Variants in GPATCH2L observed in about 807,000 individuals in gnomAD.
GPATCH2L encodes G-patch domain containing 2 like, also known as G patch domain-containing protein 2-like.
GPATCH2L carries 31 observed loss-of-function variants against 57.4 expected under a neutral mutation model. The observed-to-expected ratio is 0.54, with a 90% CI of 0.41 to 0.73. The LOEUF is 0.73. Among genes scored for constraint, GPATCH2L ranks in the 30% least tolerant of loss-of-function variants. GPATCH2L has a pLI of 0.00. For synonymous variants in GPATCH2L, 199 were observed against 210.7 expected (o/e 0.94, Z 0.48); for missense variants, 481 against 599.9 (o/e 0.80, Z 2.07).
chr14:76,227,425 G>A (rs2040540765), intron 1 of GPATCH2L, among the ~76,000 whole-genome samples: 1 of 152,164 alleles, frequency 6.6e-6, no homozygotes, highest in African/African-American at 2.4e-5. Context: ...AGAGTCCAGG[G>A]GGGAGGGACT....
intron 2 of GPATCH2L, among the ~76,000 whole-genome samples, chr14:76,163,042 C>A (rs1401679647): frequency 6.6e-6 from 1 of 152,188 alleles, no homozygotes; most frequent in Non-Finnish European, 1.5e-5. Context: ...AAGGTATCTT[C>A]TGCATAGAGA....
rs190142030 is a variant in GPATCH2L at position 76,162,234 on chromosome 14, T to C, written c.663-4429T>C. Among the ~76,000 whole-genome samples the C allele has an allele frequency of 4.9e-4, 74 of 152,300 alleles. No homozygotes were observed. In the East Asian group the frequency reaches 0.014, roughly 29 times the overall value. ...CTTCCAAGCTCACTCACATGGCTGT[T>C]GGCAGAGCTCATTTCCTCATAAAGC... On this transcript the variant is annotated intron_variant, in intron 2 of 9. Coordinates refer to ENST00000261530, the MANE Select transcript of GPATCH2L (RefSeq NM_017926.4).
intron 8 of GPATCH2L, among the ~76,000 whole-genome samples, chr14:76,185,127 A>C (rs1291517046): frequency 2.0e-5 from 3 of 152,112 alleles, no homozygotes; most frequent in Non-Finnish European, 4.4e-5. Context: ...TAATAAATGG[A>C]TCAGGGGCAG....
intron 8 of GPATCH2L, among the ~76,000 whole-genome samples, chr14:76,185,779 A>G (rs944209754): frequency 2.0e-5 from 3 of 152,172 alleles, no homozygotes; most frequent in Non-Finnish European, 2.9e-5. Context: ...TGTGGTAAGG[A>G]TGGCAGATAT....
chr14:76,166,610 C>A, intron 2 of GPATCH2L, 53 bp from the exon 3 acceptor site: 1 of 1,232,836 alleles, frequency 8.1e-7, no homozygotes, highest in Non-Finnish European at 1.2e-6. Flanking sequence ...GTGTACAGTG[C>A]TTTGTTTTTG....
intron 1 of GPATCH2L, among the ~76,000 whole-genome samples, chr14:76,221,147 A>G (rs2040513375): frequency 6.6e-6 from 1 of 151,942 alleles, no homozygotes. Flanking sequence ...CTGTAAAAAG[A>G]ACTCTTAAAA....
chr14:76,187,223 T>A (rs2039800550), intron 8 of GPATCH2L, among the ~76,000 whole-genome samples: 1 of 151,996 alleles, frequency 6.6e-6, no homozygotes, highest in Non-Finnish European at 1.5e-5. Context: ...CTCCTTTTTC[T>A]CCTTTTACCC....
In GPATCH2L at chr14:76,180,763, G is replaced by C; in HGVS notation, c.1108-1G>C. On this transcript the variant is annotated splice_acceptor_variant, in intron 7 of 9. Transcript: ENST00000261530. LOFTEE classifies it high-confidence loss of function. The stretch of plus-strand genomic sequence containing the variant: ...TAAAATAGTCTTATTCATTCCTGCA[G>C]TTCAATCCCCTGTCTCCCCTTTACT... 1 of 1,605,496 alleles carries C rather than the reference G, an allele frequency of 6.2e-7. No homozygotes were observed. Among genetic ancestry groups the C allele is most frequent in the Non-Finnish European group, 8.5e-7 (1 of 1,172,132 alleles).
At chr14:76,181,347 T>G (rs780644870) in intron 8 of GPATCH2L, among the ~76,000 whole-genome samples, 1 of 152,218 alleles carries the variant, frequency 6.6e-6, no homozygotes, top group Admixed American at 6.5e-5. Flanking sequence ...TTTGAGCTGC[T>G]GCTTGTCTCA....
intron 9 of GPATCH2L, chr14:76,196,315 A>G: frequency 1.7e-6 from 1 of 591,632 alleles, no homozygotes; most frequent in Non-Finnish European, 3.0e-6. Flanking sequence ...ACACAGGGTT[A>G]TTTACTTTCT....
At chr14:76,216,695 T>G (rs2040491437), downstream of GPATCH2L, among the ~76,000 whole-genome samples, 1 of 152,136 alleles carries the variant, frequency 6.6e-6, no homozygotes, top group Non-Finnish European at 1.5e-5. Flanking sequence ...ATTGTAAAGT[T>G]CATTTGGAAG....
chr14:76,155,453 C>T (rs973285331), intron 2 of GPATCH2L, among the ~76,000 whole-genome samples: 2 of 152,164 alleles, frequency 1.3e-5, no homozygotes, highest in Admixed American at 1.3e-4. Context: ...GTTGCCTGTC[C>T]TCATTAAGAA....
intron 3 of GPATCH2L, 95 bp from the exon 4 acceptor site, chr14:76,171,748 G>A: frequency 1.4e-6 from 1 of 694,778 alleles, no homozygotes; most frequent in Non-Finnish European, 2.4e-6. Context: ...AAAAAAGGAT[G>A]ATCAAAACTA....
rs374952457 is a variant in GPATCH2L, at chr14:76,235,155, C to T, written c.*117+5202C>T. Reference sequence around the variant, plus strand: ...TGCACTCCAGACTGGGCAACAAGAGCGAAACTCTGTCTCAAAAAAAAAAAA... The same window carrying T: ...TGCACTCCAGACTGGGCAACAAGAGTGAAACTCTGTCTCAAAAAAAAAAAA... On this transcript the variant is annotated intron_variant and NMD_transcript_variant, in intron 2 of 3. Coordinates refer to the GPATCH2L transcript ENST00000556372. Among the ~76,000 whole-genome samples the T allele has an allele frequency of 1.8e-4, 24 of 130,194 alleles. No homozygotes were observed. In the East Asian group the frequency reaches 2.9e-3, roughly 16 times the overall value. 85.4% of individuals were successfully genotyped at this position (130,194 alleles called of 152,430 possible).
rs776950722 is a variant in GPATCH2L at position 76,151,939 on chromosome 14, C to G, written c.-63C>G. The G allele has an allele frequency of 6.5e-6, 1 of 153,546 alleles. No individual in the cohort carries two copies. Among genetic ancestry groups the G allele is most frequent in the African/African-American group, 2.4e-5 (1 of 41,498 alleles). 9.5% of individuals were successfully genotyped at this position (153,546 alleles called of 1,614,324 possible). ...ATGAGGTCAGAGAGGGAAGCCCCGG[C>G]GGTGAGAGTCGGCCCAAAAAGCGGC... On this transcript the variant is annotated 5_prime_UTR_variant, in exon 1 of 10. Coordinates refer to ENST00000261530, the MANE Select transcript of GPATCH2L (RefSeq NM_017926.4).
chr14:76,227,304 TGTG>T (rs2040540212), intron 1 of GPATCH2L, among the ~76,000 whole-genome samples: 2 of 152,174 alleles, frequency 1.3e-5, no homozygotes, highest in Non-Finnish European at 2.9e-5. Flanking sequence ...ATATCACTGG[TGTG>T]GTGTTTCTCC....
chr14:76,222,299 A>G (rs935783050), intron 1 of GPATCH2L, among the ~76,000 whole-genome samples: 10 of 152,314 alleles, frequency 6.6e-5, no homozygotes, highest in African/African-American at 2.2e-4. Flanking sequence ...GGAAAATACA[A>G]TTTACCAGCT....
At chr14:76,219,944 C>T (rs1257576562) in intron 1 of GPATCH2L, among the ~76,000 whole-genome samples, 4 of 152,106 alleles carry the variant, frequency 2.6e-5, no homozygotes, top group Non-Finnish European at 4.4e-5. Flanking sequence ...GATTAGCTGC[C>T]CTGCTGTCCT....
At chr14:76,234,312 G>A (rs1427240580) in intron 2 of GPATCH2L, among the ~76,000 whole-genome samples, 1 of 152,150 alleles carries the variant, frequency 6.6e-6, no homozygotes, top group African/African-American at 2.4e-5. Context: ...GCCTAAAACA[G>A]CAGGTGTGGC....
Sources: allele counts gnomAD v4.1 joint callset (sites outside exome capture counted in the v4.1 genomes callset), GRCh38; gene constraint gnomAD v4.1.1; transcripts MANE v1.5; gene names NCBI Gene and HGNC (gene_info 2026-07-23, HGNC 2026-07-21).